The following RTEL1 variants were observed in gnomAD, a reference collection of about 807,000 sequenced individuals.
RTEL1 encodes the protein regulator of telomere elongation helicase 1, also known as regulator of telomere length.
In RTEL1, 86 loss-of-function variants were observed where a neutral mutation model predicts 162.2. The ratio of observed to expected loss-of-function variants is 0.53; its 90% CI spans 0.45 to 0.63. The LOEUF is 0.63. Ranked by LOEUF, RTEL1 falls within the 30% of genes least tolerant of loss-of-function variation. The probability of loss-of-function intolerance (pLI) is 0.00; values close to 1 mark genes in which losing one functional copy is unlikely to be tolerated. For missense variants in RTEL1, 1,941 were observed against 1,750.2 expected, an observed-to-expected ratio of 1.11 and a Z score of -1.95; for synonymous variants, 958 against 717.9, an observed-to-expected ratio of 1.33 and a Z score of -5.35.
At chr20:63,662,128 T>C (rs1418160493) in intron 4 of RTEL1, among the ~76,000 whole-genome samples, 185 bp downstream of exon 4, 1 of 152,114 alleles carries the variant, frequency 6.6e-6, no homozygotes, top group Non-Finnish European at 1.5e-5. Flanking sequence ...CAATGCCCAT[T>C]ACTTGTGAGG....
At position 63,685,576 on chromosome 20, in the gene RTEL1, G is replaced by A; in HGVS notation, c.1245G>A (p.Leu415=). The A allele has an allele frequency of 3.1e-6, 5 of 1,612,136 alleles. No homozygotes were observed. Among genetic ancestry groups the A allele is most frequent in the Non-Finnish European group, 4.2e-6 (5 of 1,179,700 alleles). The change falls in exon 15 of 35, where the codon CTG becomes CTA. Residue 415 remains leucine, a synonymous_variant. Coordinates refer to ENST00000360203, the MANE Select transcript of RTEL1 (RefSeq NM_001283009.2). Reference sequence around the variant, plus strand: ...GCAGCCCTGGTTCCCCAGCAGGGCTGGGGGCCTTACAGTCCTATAAGGTAG... The same window carrying A: ...GCAGCCCTGGTTCCCCAGCAGGGCTAGGGGCCTTACAGTCCTATAAGGTAG... ...SEGSPGSPAG[L]GALQSYKVHI...
intron 14 of RTEL1, among the ~76,000 whole-genome samples, chr20:63,684,777 G>C (rs1471800462): frequency 2.6e-5 from 4 of 151,832 alleles, no homozygotes; most frequent in Admixed American, 2.6e-4. Flanking sequence ...CCGGCCTCTT[G>C]TTCTTTTGAA....
At chr20:63,687,888 G>C (rs2090633068) in intron 17 of RTEL1, 49 bp from the exon 18 acceptor site, 2 of 1,603,292 alleles carry the variant, frequency 1.2e-6, no homozygotes, top group African/African-American at 2.7e-5. Flanking sequence ...GAGGGCTAAA[G>C]GGGTGCTGGT....
chr20:63,674,153 C>T (rs2090302206), intron 10 of RTEL1, 60 bp downstream of exon 10: 1 of 1,543,990 alleles, frequency 6.5e-7, no homozygotes, highest in East Asian at 2.3e-5. Flanking sequence ...GTGAGCCCCA[C>T]CCGGAGTTCA....
Position 63,661,913 on chromosome 20 carries a change from T to G in RTEL1, c.365T>G (p.Val122Gly). The part of the protein sequence containing the change: ...ASRTHSQLTQ[V>G]INELRNTSYR... ...AGGACCCACTCGCAACTCACACAGG[T>G]CATCAACGAGCTTCGGAACACCTCC... The change falls in exon 4 of 35, where the codon GTC becomes GGC. Residue 122 changes from valine to glycine, a missense_variant. Transcript: ENST00000360203. The surrounding 1 kb of genome is among the most constrained non-coding windows in gnomAD (Gnocchi z 5.1). 1 of 1,613,882 alleles carries G rather than the reference T, an allele frequency of 6.2e-7. No homozygotes were observed.
Position 63,687,750 on chromosome 20 carries a change from C to T in RTEL1, c.1461C>T (p.Ser487=). 4 of 1,580,908 alleles carry T rather than the reference C, an allele frequency of 2.5e-6. No homozygotes were observed. The highest frequency in any genetic ancestry group is 3.4e-6 in the Non-Finnish European group (4 of 1,164,746). The change falls in exon 17 of 35, where the codon TCC becomes TCT. Residue 487 remains serine (S), a synonymous_variant. Coordinates refer to ENST00000360203, the MANE Select transcript of RTEL1 (RefSeq NM_001283009.2). ...GCGGCACGCTGGCCCCGGTGTCCTC[C>T]TTTGCTCTGGAGATGCAGATGTACG... ...LTSGTLAPVS[S]FALEMQIPFP...
rs773043802 is a variant in RTEL1 at position 63,688,380 on chromosome 20, C to T, written c.1716C>T (p.Phe572=). 6.8e-6 allele frequency: 11 copies of T among 1,612,350 alleles called. No individual in the cohort carries two copies. The highest frequency in any genetic ancestry group is 9.3e-6 in the Non-Finnish European group (11 of 1,179,804). Residue 572 remains phenylalanine, a synonymous_variant, in exon 20 of 35, where the codon TTC becomes TTT. Transcript: ENST00000360203. ...CTGTCATGGAGAAGAGCCTGGAGTT[C>T]TGGCGGGTGCGTCTCCCCTGTGTTC... The part of the protein sequence containing the change: ...SYPVMEKSLE[F]WRARDLARKM...
At chr20:63,694,697 C>A (rs777171450) in intron 31 of RTEL1, 44 bp from the exon 32 acceptor site, 2 of 1,498,146 alleles carry the variant, frequency 1.3e-6, no homozygotes, top group Admixed American at 2.0e-5. Context: ...GACTCTCAGT[C>A]CTCCACCCCA....
Position 63,694,959 on chromosome 20 carries a change from T to A in RTEL1, c.3328T>A (p.Phe1110Ile). 6.2e-7 allele frequency: 1 copy of A among 1,612,436 alleles called. No homozygotes were observed. The highest frequency in any genetic ancestry group is 8.5e-7 in the Non-Finnish European group (1 of 1,179,840). Reference protein sequence around the residue: ...AALTTAKPEDFPLLHRFSMFV... With the variant: ...AALTTAKPEDIPLLHRFSMFV... The stretch of plus-strand genomic sequence containing the variant: ...CCTGACCACTGCAAAGCCAGAGGAC[T>A]TCCCCCTGCTGCACAGCAAGTGGCC... Residue 1110 changes from phenylalanine to isoleucine, a missense_variant, in exon 32 of 35, where the codon TTC becomes ATC. Phe to Ile is a conservative substitution (Grantham distance 21). Transcript: ENST00000360203.
At chr20:63,660,497 C>T (rs2089997782) in intron 2 of RTEL1, among the ~76,000 whole-genome samples, 2 of 152,222 alleles carry the variant, frequency 1.3e-5, no homozygotes, top group Admixed American at 6.5e-5. Context: ...AGCTCTAGAT[C>T]CCTTAAACCT....
chr20:63,660,659 C>A (rs1213745164), intron 2 of RTEL1: 1 of 153,362 alleles, frequency 6.5e-6, no homozygotes, highest in African/African-American at 2.4e-5. Flanking sequence ...ACAGTCTGAT[C>A]TCTCTTTTCC....
At chr20:63,665,243 G>A (rs2090103228) in intron 6 of RTEL1, 1 of 152,676 alleles carries the variant, frequency 6.5e-6, no homozygotes, top group Non-Finnish European at 1.5e-5. Context: ...CGGGAGCTGG[G>A]GGAGGCCCCA....
At chr20:63,687,379 T>C in intron 16 of RTEL1, 1 of 492,902 alleles carries the variant, frequency 2.0e-6, no homozygotes, top group South Asian at 3.2e-5. Context: ...CTGACCTCTC[T>C]GCAGGTGTCC....
Position 63,688,625 on chromosome 20 carries a change from T to G in RTEL1, c.1800+20T>G. 1 of 1,592,330 alleles carries G rather than the reference T, an allele frequency of 6.3e-7. No homozygotes were observed. ...TCCGAGGTCGGCACTTGGCCGGGGC[T>G]CTGGGCCTGCTGCCCCCTCGTGCCT... On this transcript the variant is annotated intron_variant, in intron 21 of 34. Coordinates refer to ENST00000360203, the MANE Select transcript of RTEL1 (RefSeq NM_001283009.2).
At chr20:63,693,570 T>TCCACCTTCA (rs2090862657) in intron 30 of RTEL1, among the ~76,000 whole-genome samples, 1 of 5,732 alleles carries the variant, frequency 1.7e-4, no homozygotes, top group Non-Finnish European at 3.0e-4. Flanking sequence ...CTCCACCACC[T>TCCACCTTCA]CCACCTCCAC....
intron 7 of RTEL1, among the ~76,000 whole-genome samples, chr20:63,666,889 G>C (rs539769578): frequency 1.4e-5 from 2 of 146,858 alleles, no homozygotes; most frequent in South Asian, 2.2e-4. Flanking sequence ...GCCCAGGCTG[G>C]AGTGCAGTGG....
At chr20:63,673,450 G>A (rs1485217783) in intron 9 of RTEL1, among the ~76,000 whole-genome samples, 2 of 152,066 alleles carry the variant, frequency 1.3e-5, no homozygotes, top group Non-Finnish European at 2.9e-5. Context: ...TTGTTTGTTT[G>A]TTTGTTGAGA....
intron 14 of RTEL1, among the ~76,000 whole-genome samples, chr20:63,683,877 G>GAGGATCCCATATACATATTCTCTCTC (rs1555810377): frequency 3.4e-5 from 2 of 59,236 alleles, no homozygotes; most frequent in African/African-American, 1.4e-4. Flanking sequence ...TATACTCTCT[G>GAGGATCCCATATACATATTCTCTCTC]TAAGTTCTGA....
At position 63,679,852 on chromosome 20, in the gene RTEL1, C is replaced by T. The variant is rs2090446510; in HGVS notation, c.1041C>T (p.Tyr347=). The stretch of plus-strand genomic sequence containing the variant: ...CCTGCCTTCTTCTCCTCGGCAGCTA[C>T]ATCTTTGAGCTGTTTGCTGAAGCCC... The part of the protein sequence containing the change: ...DDSGVTKPGS[Y]IFELFAEAQI... Residue 347 remains tyrosine, a synonymous_variant, in exon 13 of 35, where the codon TAC becomes TAT. Coordinates refer to ENST00000360203, the MANE Select transcript of RTEL1 (RefSeq NM_001283009.2). 2.5e-6 allele frequency: 4 copies of T among 1,610,212 alleles called. No homozygotes were observed. Among genetic ancestry groups the T allele is most frequent in the Non-Finnish European group, 3.4e-6 (4 of 1,179,760 alleles).
Sources: allele counts gnomAD v4.1 joint callset (sites outside exome capture counted in the v4.1 genomes callset), GRCh38; gene constraint gnomAD v4.1.1; non-coding constraint Gnocchi (gnomAD v3.1); transcripts MANE v1.5; gene names NCBI Gene and HGNC (gene_info 2026-07-23, HGNC 2026-07-21).